FRMPD4: variants seen among roughly 807,000 people sequenced by gnomAD.
FRMPD4 encodes FERM and PDZ domain containing 4.
Under a neutral mutation model 94.1 loss-of-function variants are expected in FRMPD4, and 22 were observed. The observed-to-expected ratio is 0.23, with a 90% CI of 0.17 to 0.33. The LOEUF (loss-of-function observed/expected upper bound fraction) is 0.33, where lower values mean the gene tolerates loss of function less well. Ranked by LOEUF, FRMPD4 falls within the 10% of genes least tolerant of loss-of-function variation. FRMPD4 has a pLI of 1.00. For synonymous variants in FRMPD4, 631 were observed against 548.6 expected, an observed-to-expected ratio of 1.15 and a Z score of -2.10; for missense variants, 1,111 against 1,339.9, an observed-to-expected ratio of 0.83 and a Z score of 2.67.
At chrX:12,486,191 G>T (rs751143777) in intron 1 of FRMPD4, among the ~76,000 whole-genome samples, 1 of 111,336 alleles carries the variant, frequency 9.0e-6, no homozygotes, top group South Asian at 3.8e-4. Context: ...GATTTGCCAG[G>T]ATGGAAGTCA....
chrX:12,261,893 A>G (rs1395910236), intron 1 of FRMPD4, among the ~76,000 whole-genome samples: 1 of 112,532 alleles, frequency 8.9e-6, no homozygotes, highest in East Asian at 2.8e-4. Context: ...TAAAAATATT[A>G]GATTTTTATT....
At chrX:12,289,045 G>T (rs144971991) in intron 1 of FRMPD4, among the ~76,000 whole-genome samples, 2,223 of 111,222 alleles carry the variant, frequency 0.02, 53 homozygotes, top group African/African-American at 0.069. Context: ...TAGCTCAGTG[G>T]GTGAGTCAGT....
chrX:12,483,442 T>C (rs1458564278), intron 1 of FRMPD4, among the ~76,000 whole-genome samples: 1 of 112,263 alleles, frequency 8.9e-6, no homozygotes, highest in Non-Finnish European at 1.9e-5. Flanking sequence ...ATTAAAATCA[T>C]CAAAACTTTA....
chrX:12,637,737 A>G (rs1279866153), intron 4 of FRMPD4, among the ~76,000 whole-genome samples: 1 of 111,356 alleles, frequency 9.0e-6, no homozygotes, highest in Non-Finnish European at 1.9e-5. Context: ...TACTAACTGG[A>G]TGATCAGATG....
intron 1 of FRMPD4, among the ~76,000 whole-genome samples, chrX:12,249,502 G>C (rs774661087): frequency 5.4e-5 from 6 of 111,409 alleles, no homozygotes; most frequent in Non-Finnish European, 1.1e-4. Context: ...GGTTGCTCTG[G>C]GGCAGCTGGA....
At chrX:12,172,703 A>G (rs2056243865) in intron 1 of FRMPD4, among the ~76,000 whole-genome samples, 1 of 112,290 alleles carries the variant, frequency 8.9e-6, no homozygotes. Context: ...AGAGATTTGA[A>G]GGTGAGAGAG....
intron 4 of FRMPD4, among the ~76,000 whole-genome samples, chrX:12,657,820 A>T (rs1284694862): frequency 8.9e-6 from 1 of 112,573 alleles, no homozygotes; most frequent in Admixed American, 9.4e-5. Context: ...GATAGACTTT[A>T]CTAAACTGCA....
In FRMPD4 at chrX:12,507,821, T is replaced by C. The variant is rs2058001077; in HGVS notation, c.158+9025T>C. On this transcript the variant is annotated intron_variant, in intron 2 of 16. Transcript: ENST00000675598. ...ACATTCACCAGAGAAGTACAACTTT[T>C]AATATGAAAATGCCATGACTCCTCC... Among the ~76,000 whole-genome samples, 3 of 111,584 alleles carry C rather than the reference T, an allele frequency of 2.7e-5. No homozygotes were observed. The South Asian group carries it at 1.1e-3, about 42-fold the overall frequency.
intron 2 of FRMPD4, among the ~76,000 whole-genome samples, chrX:12,574,322 TAGTA>T (rs925367432): frequency 1.3e-4 from 15 of 111,976 alleles, no homozygotes; most frequent in African/African-American, 4.9e-4. Flanking sequence ...TTTAATGAAT[TAGTA>T]AGTATTTAAA....
rs747401255 is a variant in FRMPD4 at position 11,967,560 on chromosome X, A to T, written c.95+89542A>T. Among the ~76,000 whole-genome samples the T allele has an allele frequency of 5.4e-5, 6 of 111,566 alleles. No homozygotes were observed. The East Asian group carries it at 1.7e-3, about 31-fold the overall frequency. Reference sequence around the variant, plus strand: ...AATTTCTGGTGCCTTGAACCCTTACAGTAGGATCTGATCATTTGCATTTTT... The same window carrying T: ...AATTTCTGGTGCCTTGAACCCTTACTGTAGGATCTGATCATTTGCATTTTT... On this transcript the variant is annotated intron_variant, in intron 3 of 18. Transcript: ENST00000640291.
chrX:11,943,252 C>G (rs1488810885), intron 3 of FRMPD4, among the ~76,000 whole-genome samples: 1 of 111,787 alleles, frequency 8.9e-6, no homozygotes, highest in East Asian at 2.8e-4. Flanking sequence ...TTTCTTTTTA[C>G]TCTTTCTGGA....
At chrX:12,048,318 C>G (rs1430812655) in intron 3 of FRMPD4, among the ~76,000 whole-genome samples, 1 of 111,932 alleles carries the variant, frequency 8.9e-6, no homozygotes, top group East Asian at 2.8e-4. Flanking sequence ...AAGTGTCTGT[C>G]ATGTCTTTTG....
At chrX:12,345,820 C>T (rs766315281) in intron 1 of FRMPD4, among the ~76,000 whole-genome samples, 15 of 111,569 alleles carry the variant, frequency 1.3e-4, no homozygotes, top group African/African-American at 4.6e-4. Context: ...CAATATATGG[C>T]GTGCTTAAGG....
chrX:11,984,986 G>C (rs1261314525), intron 3 of FRMPD4, among the ~76,000 whole-genome samples: 1 of 111,868 alleles, frequency 8.9e-6, no homozygotes, highest in Non-Finnish European at 1.9e-5. Flanking sequence ...TGAAAATGAG[G>C]TACTATTTCA....
chrX:12,527,756 T>C (rs1357223726), intron 2 of FRMPD4, among the ~76,000 whole-genome samples: 1 of 112,036 alleles, frequency 8.9e-6, no homozygotes, highest in Non-Finnish European at 1.9e-5. Context: ...ACAATGCCTA[T>C]GCTACTTTCA....
intron 3 of FRMPD4, among the ~76,000 whole-genome samples, chrX:12,058,233 G>A (rs948651186): frequency 7.2e-5 from 8 of 111,552 alleles, no homozygotes; most frequent in African/African-American, 2.6e-4. Flanking sequence ...ATCTTTTCCT[G>A]AAATATGAGT....
intron 2 of FRMPD4, among the ~76,000 whole-genome samples, chrX:12,513,843 C>T (rs1475067385): frequency 1.8e-5 from 2 of 112,012 alleles, no homozygotes; most frequent in Admixed American, 9.4e-5. Flanking sequence ...TTCTTCCTAT[C>T]CATGAGCATG....
At chrX:12,224,095 C>G (rs2056897879) in intron 1 of FRMPD4, among the ~76,000 whole-genome samples, 1 of 109,648 alleles carries the variant, frequency 9.1e-6, no homozygotes, top group African/African-American at 3.3e-5. Context: ...AAAGATGCCT[C>G]TAGATATTTC....
At position 12,457,688 on chromosome X, in the gene FRMPD4, T is replaced by A. The variant is rs143647655; in HGVS notation, c.42-40992T>A. Among the ~76,000 whole-genome samples the A allele has an allele frequency of 1.7e-3, 196 of 112,177 alleles. 2 individuals carry two copies. The highest frequency in any genetic ancestry group is 5.9e-3 in the African/African-American group (182 of 30,953). On this transcript the variant is annotated intron_variant, in intron 1 of 16. Coordinates refer to ENST00000675598, the MANE Select transcript of FRMPD4 (RefSeq NM_001368397.1). ...CAAATGATAAGGTGTCAGGTAAGTGTTGATTCTTGTGAAGTATTACGTTAA... is the reference window on the plus strand; with the variant it reads ...CAAATGATAAGGTGTCAGGTAAGTGATGATTCTTGTGAAGTATTACGTTAA...
Sources: allele counts gnomAD v4.1 joint callset (sites outside exome capture counted in the v4.1 genomes callset), GRCh38; gene constraint gnomAD v4.1.1; transcripts MANE v1.5; gene names NCBI Gene and HGNC (gene_info 2026-07-23, HGNC 2026-07-21).